Variants in SUMF1 observed in about 807,000 individuals in gnomAD.
The protein encoded by SUMF1 is formylglycine-generating enzyme.
Under a neutral mutation model 47.6 loss-of-function variants are expected in SUMF1, and 48 were observed. The ratio of observed to expected loss-of-function variants is 1.01; its 90% CI spans 0.80 to 1.28. SUMF1 has a LOEUF of 1.28. SUMF1 is among the 50% of genes most tolerant of loss of function. The pLI, the probability that SUMF1 is intolerant of heterozygous loss-of-function variation, is 0.00. For synonymous variants in SUMF1, 230 were observed against 192.1 expected (o/e 1.20, Z -1.63); for missense variants, 571 against 485.4 (o/e 1.18, Z -1.66).
chr3:4,194,713 TATC>T (rs1363433497), intron 8 of SUMF1, among the ~76,000 whole-genome samples: 8 of 152,188 alleles, frequency 5.3e-5, no homozygotes, highest in Non-Finnish European at 7.3e-5. Context: ...TAGCTCTTGT[TATC>T]ATCATTACCA....
chr3:4,087,635 TAGG>T (rs1692699650), intron 8 of SUMF1, among the ~76,000 whole-genome samples: 1 of 152,006 alleles, frequency 6.6e-6, no homozygotes, highest in African/African-American at 2.4e-5. Flanking sequence ...TAGAAGACAG[TAGG>T]AGAAATGGCC....
At chr3:4,108,933 T>A (rs1379127573) in intron 8 of SUMF1, among the ~76,000 whole-genome samples, 4 of 152,054 alleles carry the variant, frequency 2.6e-5, no homozygotes, top group Non-Finnish European at 5.9e-5. Context: ...CATTTAAGGT[T>A]AATATTGTTA....
chr3:4,259,986 T>A (rs776344383), intron 8 of SUMF1, among the ~76,000 whole-genome samples: 2 of 148,750 alleles, frequency 1.3e-5, no homozygotes, highest in Non-Finnish European at 3.0e-5. Context: ...CTCTCAAATA[T>A]CATAACATAT....
rs929143058 is a variant in SUMF1 at position 4,155,491 on chromosome 3, G to A, written c.1015-86746C>T. Among the ~76,000 whole-genome samples the A allele has an allele frequency of 5.3e-5, 8 of 151,398 alleles. 1 individual carries two copies. Among genetic ancestry groups the A allele is most frequent in the African/African-American group, 7.4e-5 (3 of 40,756 alleles). On this transcript the variant is annotated intron_variant and NMD_transcript_variant, in intron 8 of 12. Coordinates refer to the SUMF1 transcript ENST00000448413. ...AAGCAAAAGGAAGGAGATAAGGGAC[G>A]GCTCCTTCCCTCCTGGCAGCAGTAA...
intron 8 of SUMF1, among the ~76,000 whole-genome samples, chr3:4,325,685 T>A (rs868298601): frequency 6.6e-6 from 1 of 152,106 alleles, no homozygotes; most frequent in African/African-American, 2.4e-5. Context: ...CTAAGTGCAG[T>A]CTGGAGGGCT....
chr3:4,380,173 T>C (rs1183365339), intron 7 of SUMF1, among the ~76,000 whole-genome samples: 1 of 152,142 alleles, frequency 6.6e-6, no homozygotes, highest in African/African-American at 2.4e-5. Context: ...TTAACCTAGA[T>C]ATCCATCAGC....
intron 9 of SUMF1, among the ~76,000 whole-genome samples, chr3:4,046,973 G>A (rs768001564): frequency 2.0e-5 from 3 of 152,006 alleles, no homozygotes; most frequent in African/African-American, 4.8e-5. Flanking sequence ...CTCTGTCACC[G>A]CATCGCTTAC....
At chr3:4,392,095 T>A (rs1700887162) in intron 7 of SUMF1, among the ~76,000 whole-genome samples, 1 of 152,192 alleles carries the variant, frequency 6.6e-6, no homozygotes, top group Admixed American at 6.5e-5. Flanking sequence ...CCCAAAGTGC[T>A]AGGATTATAG....
intron 7 of SUMF1, among the ~76,000 whole-genome samples, chr3:4,409,203 G>A (rs1028072913): frequency 1.3e-5 from 2 of 152,116 alleles, no homozygotes; most frequent in Admixed American, 6.5e-5. Flanking sequence ...TGCTGGCAAT[G>A]AAGAAAAGCT....
At chr3:4,200,899 T>C (rs143201932) in intron 8 of SUMF1, among the ~76,000 whole-genome samples, 50 of 152,274 alleles carry the variant, frequency 3.3e-4, no homozygotes, top group Non-Finnish European at 5.4e-4. Flanking sequence ...CACTGATCTA[T>C]AGTTTATATT....
At chr3:4,263,760 A>G (rs1575033367) in intron 8 of SUMF1, among the ~76,000 whole-genome samples, 3 of 152,296 alleles carry the variant, frequency 2.0e-5, no homozygotes, top group Admixed American at 2.0e-4. Context: ...CATATTATGA[A>G]TACTCCTCTC....
intron 8 of SUMF1, chr3:4,316,892 C>T (rs1279179774): frequency 1.3e-6 from 2 of 1,549,376 alleles, no homozygotes; most frequent in Non-Finnish European, 1.7e-6. Flanking sequence ...ATGAGATGAA[C>T]CAAAAACTGC....
Position 4,467,105 on chromosome 3 carries a change from C to A in SUMF1, c.141G>T (p.Ala47=). Residue 47 remains alanine, a synonymous_variant, in exon 1 of 9, where the codon GCG becomes GCT. Transcript: ENST00000272902. ...AGTGAGAGSL[A]GSCGCGTPQR... ...GGGGCGTGCCGCAGCCGCAAGAACC[C>A]GCAAGGGACCCCGCGCCCGCACCGG... 6.4e-7 allele frequency: 1 copy of A among 1,562,542 alleles called. No individual in the cohort carries two copies. Among genetic ancestry groups the A allele is most frequent in the Non-Finnish European group, 8.7e-7 (1 of 1,154,906 alleles).
At chr3:4,368,474 A>G (rs1286912853) in intron 8 of SUMF1, among the ~76,000 whole-genome samples, 1 of 152,116 alleles carries the variant, frequency 6.6e-6, no homozygotes, top group Non-Finnish European at 1.5e-5. Context: ...TGACCCAGCC[A>G]TCCCATTACT....
intron 3 of SUMF1, among the ~76,000 whole-genome samples, chr3:4,440,091 C>T (rs1207303032): frequency 6.6e-6 from 1 of 151,956 alleles, no homozygotes; most frequent in African/African-American, 2.4e-5. Flanking sequence ...AAAAAATTAG[C>T]TGGGCTTGGT....
At chr3:4,363,262 T>C (rs1236440401) in intron 8 of SUMF1, among the ~76,000 whole-genome samples, 2 of 152,220 alleles carry the variant, frequency 1.3e-5, no homozygotes, top group Non-Finnish European at 2.9e-5. Context: ...ATATTTATGA[T>C]ATCATTTAAT....
chr3:4,237,268 G>C (rs1165372380), intron 8 of SUMF1, among the ~76,000 whole-genome samples: 1 of 152,062 alleles, frequency 6.6e-6, no homozygotes, highest in Non-Finnish European at 1.5e-5. Context: ...AGTTCCTGTT[G>C]CTCCATGTAC....
intron 8 of SUMF1, among the ~76,000 whole-genome samples, chr3:4,111,983 A>G (rs1693318708): frequency 6.6e-6 from 1 of 152,098 alleles, no homozygotes; most frequent in African/African-American, 2.4e-5. Flanking sequence ...ATTATAGAAA[A>G]TATGAATGTG....
intron 8 of SUMF1, among the ~76,000 whole-genome samples, chr3:4,210,370 C>G (rs1695753323): frequency 1.3e-5 from 2 of 152,088 alleles, no homozygotes; most frequent in South Asian, 4.1e-4. Context: ...TGAGGATTTA[C>G]ACAACCAAAT....
Sources: gnomAD v4.1 joint callset for allele counts (sites outside exome capture counted in the v4.1 genomes callset) on GRCh38, gnomAD v4.1.1 for gene constraint, MANE v1.5 for transcripts, NCBI Gene and HGNC (gene_info 2026-07-23, HGNC 2026-07-21) for gene names.